The following ZC3H12C variants were observed in gnomAD, a reference collection of about 807,000 sequenced individuals.
The protein encoded by ZC3H12C is zinc finger CCCH-type containing 12C, also known as probable ribonuclease ZC3H12C.
Under a neutral mutation model 76.3 loss-of-function variants are expected in ZC3H12C, and 20 were observed. The ratio of observed to expected loss-of-function variants is 0.26; its 90% CI spans 0.18 to 0.38. ZC3H12C has a LOEUF of 0.38. Ranked by LOEUF, ZC3H12C falls within the 10% of genes least tolerant of loss-of-function variation. The pLI is 1.00. For synonymous variants in ZC3H12C, 352 were observed against 399.6 expected (o/e 0.88, Z 1.42); for missense variants, 874 against 1,086.5 (o/e 0.80, Z 2.75).
At position 110,106,157 on chromosome 11, in the gene ZC3H12C, A is replaced by G; in HGVS notation, c.21+12725A>G. 2.9e-5 allele frequency among the ~76,000 whole-genome samples: 2 copies of G among 68,308 alleles called. 1 individual carries two copies. Among genetic ancestry groups the G allele is most frequent in the Non-Finnish European group, 6.0e-5 (2 of 33,298 alleles). The allele number at this position is 68,308 out of a possible 152,430, so 44.8% of individuals were successfully genotyped here. ...GTAGCAGGCGCCTGTAGTCCCAGCT[A>G]CTCGGGAGGCTGAGGCAGGAGAATG... On this transcript the variant is annotated intron_variant, in intron 1 of 5. Transcript: ENST00000278590.
chr11:110,154,769 G>A (rs1862342288), intron 3 of ZC3H12C, among the ~76,000 whole-genome samples: 1 of 27,532 alleles, frequency 3.6e-5, no homozygotes, highest in Non-Finnish European at 1.4e-4. Flanking sequence ...TTGGCAAGTT[G>A]CCTAAGGAAA....
intron 1 of ZC3H12C, among the ~76,000 whole-genome samples, chr11:110,128,323 C>T (rs1348200127): frequency 6.6e-6 from 1 of 152,214 alleles, no homozygotes; most frequent in South Asian, 2.1e-4. Context: ...TACTAGCAAC[C>T]GAGATAGTCT....
At chr11:110,147,510 A>C (rs1207867635) in intron 2 of ZC3H12C, among the ~76,000 whole-genome samples, 1 of 152,004 alleles carries the variant, frequency 6.6e-6, no homozygotes, top group Non-Finnish European at 1.5e-5. Flanking sequence ...CGCGGGGCTT[A>C]AAACTGAGGT....
Position 110,168,086 on chromosome 11 carries a change from A to C in ZC3H12C, c.*2349A>C, listed in dbSNP as rs946597858. 7.2e-5 allele frequency: 11 copies of C among 152,076 alleles called. No homozygotes were observed. The highest frequency in any genetic ancestry group is 7.2e-4 in the Admixed American group (11 of 15,260). 9.4% of individuals were successfully genotyped at this position (152,076 alleles called of 1,614,324 possible). On this transcript the variant is annotated 3_prime_UTR_variant, in exon 6 of 6. Transcript: ENST00000278590. Reference sequence around the variant, plus strand: ...TATTTGAACATTCGCCAAATTTTACATTTATTTAAATGAGATCTTAGGTGA... The same window carrying C: ...TATTTGAACATTCGCCAAATTTTACCTTTATTTAAATGAGATCTTAGGTGA...
In ZC3H12C at chr11:110,129,823, T is replaced by C. The variant is rs1861827101; in HGVS notation, c.22-6840T>C. On this transcript the variant is annotated intron_variant, in intron 1 of 5. Transcript: ENST00000278590. ...TATAGTATTTACATTTTGATTGATT[T>C]TTTTTTTTGTTCATAATCAGAGGCC... 1.1e-4 allele frequency among the ~76,000 whole-genome samples: 2 copies of C among 17,784 alleles called. 1 individual carries two copies. The highest frequency in any genetic ancestry group is 2.2e-3 in the South Asian group (2 of 894). 11.7% of individuals were successfully genotyped at this position (17,784 alleles called of 152,430 possible).
chr11:110,163,732 C>G (rs75355279), intron 5 of ZC3H12C, among the ~76,000 whole-genome samples: 1 of 152,104 alleles, frequency 6.6e-6, no homozygotes, highest in Non-Finnish European at 1.5e-5. Flanking sequence ...AACAGAATTT[C>G]CTACCTAATT....
chr11:110,138,280 G>A (rs1862006858), intron 2 of ZC3H12C, among the ~76,000 whole-genome samples: 1 of 152,088 alleles, frequency 6.6e-6, no homozygotes, highest in Admixed American at 6.5e-5. Flanking sequence ...AGAGCTTAGA[G>A]TTTCATATGC....
rs1308541802 is a variant in ZC3H12C at position 110,169,026 on chromosome 11, T to C, written c.*3289T>C. On this transcript the variant is annotated 3_prime_UTR_variant, in exon 6 of 6. Coordinates refer to ENST00000278590, the MANE Select transcript of ZC3H12C (RefSeq NM_033390.2). ...GGCTAACTTTTCTCTAATTAAACTA[T>C]GTTTCTTTGAGTTGTGAACGACCGA... The C allele has an allele frequency of 1.3e-5, 2 of 152,144 alleles. No homozygotes were observed. The highest frequency in any genetic ancestry group is 6.6e-5 in the Admixed American group (1 of 15,254). 9.4% of individuals were successfully genotyped at this position (152,144 alleles called of 1,614,324 possible).
intron 1 of ZC3H12C, among the ~76,000 whole-genome samples, chr11:110,125,476 A>G (rs1861727072): frequency 6.6e-6 from 1 of 152,046 alleles, no homozygotes; most frequent in African/African-American, 2.4e-5. Context: ...ACATGCCACC[A>G]TGCTAATTTT....
chr11:110,147,626 AAAAAAG>A (rs898009209), intron 2 of ZC3H12C, among the ~76,000 whole-genome samples: 21 of 152,150 alleles, frequency 1.4e-4, no homozygotes, highest in Admixed American at 6.5e-4. Flanking sequence ...AATTAAAAAA[AAAAAAG>A]AAAAGAAAAG....
Position 110,169,482 on chromosome 11 carries a change from C to G in ZC3H12C, c.*3745C>G, listed in dbSNP as rs1028806852. 2.6e-5 allele frequency: 4 copies of G among 151,786 alleles called. No individual in the cohort carries two copies. The highest frequency in any genetic ancestry group is 6.6e-5 in the Admixed American group (1 of 15,216). 9.4% of individuals were successfully genotyped at this position (151,786 alleles called of 1,614,324 possible). ...CTTTTTGCTCTCCAACTTCCTTATT[C>G]AAGATAAAATAAGACATACAGTTTT... On this transcript the variant is annotated 3_prime_UTR_variant, in exon 6 of 6. Transcript: ENST00000278590.
chr11:110,146,701 G>A (rs1862177520), intron 2 of ZC3H12C, among the ~76,000 whole-genome samples: 1 of 152,182 alleles, frequency 6.6e-6, no homozygotes, highest in African/African-American at 2.4e-5. Context: ...AATTCCAACT[G>A]GGAAGGTAAC....
chr11:110,149,496 G>C (rs912312255), intron 2 of ZC3H12C, among the ~76,000 whole-genome samples: 2 of 152,172 alleles, frequency 1.3e-5, no homozygotes, highest in Non-Finnish European at 2.9e-5. Context: ...CTCCCAAATA[G>C]TTATACCAAT....
At chr11:110,127,772 T>C (rs1565256362) in intron 1 of ZC3H12C, among the ~76,000 whole-genome samples, 1 of 152,020 alleles carries the variant, frequency 6.6e-6, no homozygotes, top group Non-Finnish European at 1.5e-5. Flanking sequence ...GGCTGGGGCT[T>C]GTAGTCCCAG....
intron 1 of ZC3H12C, among the ~76,000 whole-genome samples, chr11:110,121,549 G>T (rs999291123): frequency 4.6e-5 from 7 of 151,942 alleles, no homozygotes; most frequent in Non-Finnish European, 8.8e-5. Flanking sequence ...GAAAAGTTTT[G>T]TTATAAACTT....
In ZC3H12C at chr11:110,165,423, C is replaced by T. The variant is rs949061846; in HGVS notation, c.2338C>T (p.Pro780Ser). Residue 780 changes from proline to serine, a missense_variant, in exon 6 of 6, where the codon CCA (proline) becomes TCA (serine). Pro to Ser is a moderately conservative substitution (Grantham distance 74, BLOSUM62 -1). Transcript: ENST00000278590. ...GGAAGGCCTGGGAAGCTGGGAGAGG[C>T]CAGGCTATGGGATCGACGCCTATGG... The part of the protein sequence containing the change: ...RQEGLGSWER[P>S]GYGIDAYGYR... 5 of 1,614,006 alleles carry T rather than the reference C, an allele frequency of 3.1e-6. No homozygotes were observed. Among genetic ancestry groups the T allele is most frequent in the Non-Finnish European group, 4.2e-6 (5 of 1,179,884 alleles).
At chr11:110,148,307 G>A (rs1862207433) in intron 2 of ZC3H12C, among the ~76,000 whole-genome samples, 1 of 152,102 alleles carries the variant, frequency 6.6e-6, no homozygotes, top group African/African-American at 2.4e-5. Context: ...TTATAAGTAT[G>A]CTTATGCCAA....
In ZC3H12C at chr11:110,165,788, C is replaced by T. The variant is rs761625969; in HGVS notation, c.*51C>T. The stretch of plus-strand genomic sequence containing the variant: ...AGTAGTTTTTTGTTCAGCTCAAATG[C>T]TGAGGGAGGTTTGCTACAATAGCAC... On this transcript the variant is annotated 3_prime_UTR_variant, in exon 6 of 6. Transcript: ENST00000278590. The T allele has an allele frequency of 1.3e-4, 188 of 1,493,166 alleles. No homozygotes were observed. The highest frequency in any genetic ancestry group is 1.6e-4 in the Non-Finnish European group (182 of 1,115,084). 92.5% of individuals were successfully genotyped at this position (1,493,166 alleles called of 1,614,324 possible).
At chr11:110,102,899 G>A (rs545109356) in intron 1 of ZC3H12C, among the ~76,000 whole-genome samples, 27 of 152,296 alleles carry the variant, frequency 1.8e-4, no homozygotes, top group African/African-American at 5.1e-4. Context: ...TTAGAATTTT[G>A]TGGCAATAAA....
Sources: allele counts gnomAD v4.1 joint callset (sites outside exome capture counted in the v4.1 genomes callset), GRCh38; gene constraint gnomAD v4.1.1; transcripts MANE v1.5; gene names NCBI Gene and HGNC (gene_info 2026-07-23, HGNC 2026-07-21).